The following SYNJ1 variants were observed in gnomAD, a reference collection of about 807,000 sequenced individuals.
SYNJ1 encodes the protein polyphosphatidylinositol phosphatase SYNJ1.
Under a neutral mutation model 168.2 loss-of-function variants are expected in SYNJ1, and 78 were observed. The ratio of observed to expected loss-of-function variants is 0.46; its 90% CI spans 0.39 to 0.56. The LOEUF (loss-of-function observed/expected upper bound fraction) is 0.56. Among genes scored for constraint, SYNJ1 ranks in the 20% least tolerant of loss-of-function variants. The probability of loss-of-function intolerance (pLI) is 0.00; values close to 1 mark genes in which losing one functional copy is unlikely to be tolerated. For missense variants in SYNJ1, 1,303 were observed against 1,597.6 expected, an observed-to-expected ratio of 0.82 and a Z score of 3.14; for synonymous variants, 539 against 548.6, an observed-to-expected ratio of 0.98 and a Z score of 0.24.
intron 11 of SYNJ1, among the ~76,000 whole-genome samples, chr21:32,679,091 A>C (rs1485107640): frequency 1.3e-5 from 2 of 152,202 alleles, no homozygotes; most frequent in Admixed American, 6.5e-5. Context: ...TGCTTATTAC[A>C]AAGGAAATAA....
intron 6 of SYNJ1, 91 bp downstream of exon 6, chr21:32,694,137 C>T (rs184148701): frequency 4.9e-4 from 411 of 831,356 alleles, no homozygotes; most frequent in African/African-American, 4.8e-3. Flanking sequence ...ATAATGGAAC[C>T]ATCAATGAAT....
chr21:32,698,523 C>CCTTATAACAT (rs763920023), intron 4 of SYNJ1, among the ~76,000 whole-genome samples: 2 of 152,100 alleles, frequency 1.3e-5, no homozygotes, highest in African/African-American at 2.4e-5. Flanking sequence ...TAACATATGT[C>CCTTATAACAT]AATATAATAA....
At chr21:32,672,691 T>C (rs1042940137) in intron 14 of SYNJ1, among the ~76,000 whole-genome samples, 5 of 152,302 alleles carry the variant, frequency 3.3e-5, no homozygotes, top group Middle Eastern at 3.4e-3. Flanking sequence ...TGGCTATTTA[T>C]TAACAGTTTG....
intron 14 of SYNJ1, chr21:32,670,882 G>C (rs1291293289): frequency 1.2e-6 from 1 of 868,922 alleles, no homozygotes; most frequent in Admixed American, 6.2e-5. Context: ...CAGAAAGTAA[G>C]ACACATCACT....
chr21:32,659,992 G>T lies in SYNJ1; in HGVS notation c.2305-2120C>A, dbSNP rs181617398. ...GGGTAGGTAATTGCCCCGGTCGAACGCCTCACCACAGCAGCGCATGGCAGG... is the reference window on the plus strand; with the variant it reads ...GGGTAGGTAATTGCCCCGGTCGAACTCCTCACCACAGCAGCGCATGGCAGG... On this transcript the variant is annotated intron_variant, in intron 18 of 32. Coordinates refer to ENST00000674351, the MANE Select transcript of SYNJ1 (RefSeq NM_203446.3). Among the ~76,000 whole-genome samples the T allele has an allele frequency of 2.4e-3, 365 of 152,302 alleles. 1 individual carries two copies. Among genetic ancestry groups the T allele is most frequent in the Middle Eastern group, 3.4e-3 (1 of 294 alleles).
At chr21:32,703,071 T>A (rs964251502) in intron 2 of SYNJ1, among the ~76,000 whole-genome samples, 1 of 152,268 alleles carries the variant, frequency 6.6e-6, no homozygotes, top group Admixed American at 6.5e-5. Context: ...TCACTTTCCC[T>A]GCCTGCTTCA....
At position 32,638,911 on chromosome 21, in the gene SYNJ1, C is replaced by A. The variant is rs372695378; in HGVS notation, c.3912G>T (p.Pro1304=). The change falls in exon 31 of 33, where the codon CCG becomes CCT. Residue 1304 remains proline (P), a synonymous_variant. Coordinates refer to ENST00000674351, the MANE Select transcript of SYNJ1 (RefSeq NM_203446.3). ...TTGTGTAACAAATGAGACTTACTTG[C>A]GGTTGTGAGGAAGCTTCTGAAGGCA... is the stretch of plus-strand genomic sequence containing the variant. ...HSLPSEASSQ[P]QQEQPSG 3.3e-5 allele frequency: 52 copies of A among 1,593,158 alleles called. No individual in the cohort carries two copies. The highest frequency in any genetic ancestry group is 4.2e-5 in the Non-Finnish European group (49 of 1,167,074).
chr21:32,689,759 A>T lies in SYNJ1; in HGVS notation c.790-1392T>A, dbSNP rs577001925. 4.6e-5 allele frequency among the ~76,000 whole-genome samples: 7 copies of T among 152,376 alleles called. No homozygotes were observed. The East Asian group carries it at 1.3e-3, about 29-fold the overall frequency. Reference sequence around the variant, plus strand: ...GCATTATCCCTCACTGCACTAAGTCAGATAATCTAATGAGTATTCTGATAA... The same window carrying T: ...GCATTATCCCTCACTGCACTAAGTCTGATAATCTAATGAGTATTCTGATAA... On this transcript the variant is annotated intron_variant, in intron 6 of 32. Coordinates refer to ENST00000674351, the MANE Select transcript of SYNJ1 (RefSeq NM_203446.3).
At chr21:32,646,057 C>G in intron 24 of SYNJ1, 1 of 729,280 alleles carries the variant, frequency 1.4e-6, no homozygotes, top group Admixed American at 1.9e-5. Flanking sequence ...TTGATATGCA[C>G]AAAGTATTGT....
At chr21:32,661,443 G>A (rs1279317149) in intron 18 of SYNJ1, among the ~76,000 whole-genome samples, 1 of 152,128 alleles carries the variant, frequency 6.6e-6, no homozygotes, top group Admixed American at 6.5e-5. Flanking sequence ...GGTGGGTGGA[G>A]GCTTATCCAA....
At chr21:32,643,512 G>A in intron 26 of SYNJ1, 55 bp from the exon 27 acceptor site, 1 of 1,550,704 alleles carries the variant, frequency 6.4e-7, no homozygotes, top group Non-Finnish European at 8.9e-7. Context: ...AGCACAGAAT[G>A]AAAGGCAGGC....
At chr21:32,681,391 T>G (rs768805654) in intron 11 of SYNJ1, 105 bp downstream of exon 11, 11 of 1,279,454 alleles carry the variant, frequency 8.6e-6, no homozygotes, top group Admixed American at 2.4e-5. Flanking sequence ...CTAAGACACA[T>G]CTATTAATTT....
At position 32,656,895 on chromosome 21, in the gene SYNJ1, C is replaced by T. The variant is rs377350366; in HGVS notation, c.2587G>A (p.Val863Ile). ...ELKTSDHRPV[V>I]ALIDIDIFEV... ...AATATATCTATATCAATCAGGGCAA[C>T]GACAGGCCTTAAGGCATAAAGGAAG... Residue 863 changes from valine to isoleucine, a missense_variant, in exon 21 of 33, where the codon GTT (valine) becomes ATT (isoleucine). This residue lies in a region of SYNJ1 where 920 missense variants were observed against 1,208.8 expected (regional missense o/e 0.76). Transcript: ENST00000674351. The T allele has an allele frequency of 1.4e-4, 233 of 1,613,818 alleles. 1 individual carries two copies. The highest frequency in any genetic ancestry group is 1.1e-3 in the South Asian group (99 of 91,054).
intron 11 of SYNJ1, among the ~76,000 whole-genome samples, chr21:32,680,524 A>G (rs844987): frequency 0.083 from 12,705 of 152,290 alleles, 700 homozygotes; most frequent in South Asian, 0.16. Flanking sequence ...AACTCCCTCA[A>G]TAAGGGACAA....
At chr21:32,661,444 G>C (rs1027356339) in intron 18 of SYNJ1, among the ~76,000 whole-genome samples, 3 of 152,140 alleles carry the variant, frequency 2.0e-5, no homozygotes, top group Non-Finnish European at 4.4e-5. Context: ...GTGGGTGGAG[G>C]CTTATCCAAC....
chr21:32,695,135 A>G lies in SYNJ1; in HGVS notation c.627T>C (p.Cys209=). The change falls in exon 5 of 33, where the codon TGT becomes TGC. Residue 209 remains cysteine (C), a synonymous_variant. Coordinates refer to ENST00000674351, the MANE Select transcript of SYNJ1 (RefSeq NM_203446.3). The part of the protein sequence containing the change: ...AKACLISRLS[C]ERAGTRFNVR... ...CATTAAACCTGGTCCCAGCTCGTTC[A>G]CAGCTTAATCTTGAAATGAGGCAAG... 6.2e-7 allele frequency: 1 copy of G among 1,614,182 alleles called. No individual in the cohort carries two copies. The highest frequency in any genetic ancestry group is 8.5e-7 in the Non-Finnish European group (1 of 1,180,016).
chr21:32,646,377 C>A lies in SYNJ1; in HGVS notation c.3247+16G>T. ...GCCACAGGAAGCCATACAAAACTTT[C>A]AAATAAAATGCATACTCTGTGCACT... On this transcript the variant is annotated intron_variant, in intron 24 of 32. Coordinates refer to ENST00000674351, the MANE Select transcript of SYNJ1 (RefSeq NM_203446.3). 2 of 1,608,916 alleles carry A rather than the reference C, an allele frequency of 1.2e-6. No individual in the cohort carries two copies. Among genetic ancestry groups the A allele is most frequent in the Middle Eastern group, 1.7e-4 (1 of 5,888 alleles).
At chr21:32,638,539 A>G (rs1039490092) in intron 31 of SYNJ1, among the ~76,000 whole-genome samples, 5 of 152,044 alleles carry the variant, frequency 3.3e-5, no homozygotes, top group Non-Finnish European at 5.9e-5. Context: ...TCTACCAAAA[A>G]TATAAAAATT....
chr21:32,708,797 G>A (rs2042710548), intron 2 of SYNJ1, among the ~76,000 whole-genome samples: 1 of 147,310 alleles, frequency 6.8e-6, no homozygotes. Context: ...CTCTTTATTA[G>A]AAAAGAAAAA....
Sources: gnomAD v4.1 joint callset for allele counts (sites outside exome capture counted in the v4.1 genomes callset) on GRCh38, gnomAD v4.1.1 for gene constraint, gnomAD v4.1.1 regional missense constraint, MANE v1.5 for transcripts, NCBI Gene and HGNC (gene_info 2026-07-23, HGNC 2026-07-21) for gene names.